PTPRB: variants seen among roughly 807,000 people sequenced by gnomAD.
PTPRB encodes the protein protein tyrosine phosphatase receptor type B, also known as receptor-type tyrosine-protein phosphatase beta.
PTPRB carries 97 observed loss-of-function variants against 238.1 expected under a neutral mutation model. That is an observed-to-expected ratio of 0.41 (90% CI 0.35 to 0.48). The LOEUF (loss-of-function observed/expected upper bound fraction) is 0.48. Among genes scored for constraint, PTPRB ranks in the 20% least tolerant of loss-of-function variants. The probability of loss-of-function intolerance (pLI) is 0.30; values close to 1 mark genes in which losing one functional copy is unlikely to be tolerated. For missense variants in PTPRB, 2,292 were observed against 2,681.9 expected, an observed-to-expected ratio of 0.85 and a Z score of 3.21; for synonymous variants, 970 against 995.4, an observed-to-expected ratio of 0.97 and a Z score of 0.48.
chr12:70,565,073 T>C (rs746705891), intron 15 of PTPRB, among the ~76,000 whole-genome samples: 12 of 152,230 alleles, frequency 7.9e-5, no homozygotes, highest in South Asian at 2.1e-4. Flanking sequence ...CACTTCTGTA[T>C]ATCCAGCAGT....
chr12:70,532,296 T>C, intron 31 of PTPRB, 126 bp from the exon 32 acceptor site: 1 of 1,234,870 alleles, frequency 8.1e-7, no homozygotes, highest in East Asian at 2.6e-5. Flanking sequence ...GAATATTTCT[T>C]TCTCTCAAAT....
Position 70,599,186 on chromosome 12 carries a change from C to A in PTPRB, c.980-2859G>T, listed in dbSNP as rs1384795562. ...ATTAGATACTTCTATCAGGGGTGCA[C>A]ATTTCATATAATATGACTGTGTGTG... On this transcript the variant is annotated intron_variant, in intron 4 of 33. Transcript: ENST00000334414. 2.0e-5 allele frequency among the ~76,000 whole-genome samples: 3 copies of A among 152,074 alleles called. No homozygotes were observed. In the South Asian group the frequency reaches 6.2e-4, roughly 32 times the overall value.
chr12:70,614,006 A>G (rs1189743277), intron 3 of PTPRB, among the ~76,000 whole-genome samples: 1 of 152,222 alleles, frequency 6.6e-6, no homozygotes, highest in Non-Finnish European at 1.5e-5. Context: ...AAGGTGGGAA[A>G]AGTGAAGAGA....
rs542806195 is a variant in PTPRB, at chr12:70,535,099, C to T, written c.6082-144G>A. 1.6e-4 allele frequency: 151 copies of T among 922,750 alleles called. 1 individual carries two copies. The African/African-American group carries it at 2.4e-3, about 15-fold the overall frequency. The allele number at this position is 922,750 out of a possible 1,614,324, so 57.2% of individuals were successfully genotyped here. The stretch of plus-strand genomic sequence containing the variant: ...ATTTGACCATCTACTTTATATTAAC[C>T]TTCTCATGGCCAGTGCTGAAGCTGA... On this transcript the variant is annotated intron_variant, in intron 29 of 33. Coordinates refer to ENST00000334414, the MANE Select transcript of PTPRB (RefSeq NM_001109754.4).
intron 10 of PTPRB, 22 bp from the exon 11 acceptor site, chr12:70,576,667 GGCGGGGGGGGGGGGGA>G: frequency 3.6e-6 from 1 of 281,204 alleles, no homozygotes; most frequent in Non-Finnish European, 6.5e-6. Flanking sequence ...AAAGGTGGGG[GGCGGGGGGGGGGGGGA>G]AGGGGGATTC....
At chr12:70,531,277 T>A (rs757626825) in intron 32 of PTPRB, among the ~76,000 whole-genome samples, 20 of 151,958 alleles carry the variant, frequency 1.3e-4, no homozygotes, top group African/African-American at 4.6e-4. Context: ...CACAGAAGCA[T>A]GTAGAACTTT....
chr12:70,604,458 T>C (rs1883778528), intron 4 of PTPRB, among the ~76,000 whole-genome samples: 1 of 152,180 alleles, frequency 6.6e-6, no homozygotes, highest in Non-Finnish European at 1.5e-5. Flanking sequence ...GATATTTGTT[T>C]AAAATGCAGA....
In PTPRB at chr12:70,612,504, G is replaced by A. The variant is rs539972714; in HGVS notation, c.709-3165C>T. 1.1e-4 allele frequency among the ~76,000 whole-genome samples: 16 copies of A among 152,136 alleles called. 2 individuals are homozygous for A. The South Asian group carries it at 3.1e-3, about 30-fold the overall frequency. On this transcript the variant is annotated intron_variant, in intron 3 of 33. Coordinates refer to ENST00000334414, the MANE Select transcript of PTPRB (RefSeq NM_001109754.4). ...CTTGAGCCTGCTTGTCCTACATAAGGACACTATTTGAATTAGAAGTTGCAT... is the reference window on the plus strand; with the variant it reads ...CTTGAGCCTGCTTGTCCTACATAAGAACACTATTTGAATTAGAAGTTGCAT...
rs1871653745 is a variant in PTPRB at position 70,521,526 on chromosome 12, A to G, written c.6626-15T>C. 2.0e-6 allele frequency: 3 copies of G among 1,536,546 alleles called. No homozygotes were observed. On this transcript the variant is annotated splice_polypyrimidine_tract_variant and intron_variant, in intron 33 of 33. Transcript: ENST00000334414. ...ATAGACTGGATCTGAAAGGAAGAAC[A>G]CTGTAATTAGAGACTGCCGCAGGGT...
Position 70,562,991 on chromosome 12 carries a change from C to G in PTPRB, c.4021G>C (p.Asp1341His), listed in dbSNP as rs1327501942. 6.2e-7 allele frequency: 1 copy of G among 1,614,028 alleles called. No individual in the cohort carries two copies. The highest frequency in any genetic ancestry group is 1.1e-5 in the South Asian group (1 of 91,086). The change falls in exon 16 of 34, where the codon GAT becomes CAT. Residue 1341 changes from aspartate (D) to histidine (H), a missense_variant. Asp to His is a moderately conservative substitution (Grantham distance 81). Around this residue, in one of 4 missense-constraint regions of PTPRB, gnomAD observed 683 missense variants for 862.0 expected, o/e 0.79. Coordinates refer to ENST00000334414, the MANE Select transcript of PTPRB (RefSeq NM_001109754.4). ...SWYNIFLYNPDGNLQERAQVD... is the reference protein window; with the variant it reads ...SWYNIFLYNPHGNLQERAQVD... ...TGAGCTCTCTCCTGGAGATTCCCATCTGGGTTGTACAAAAAGATGTTGTAC... is the reference window on the plus strand; with the variant it reads ...TGAGCTCTCTCCTGGAGATTCCCATGTGGGTTGTACAAAAAGATGTTGTAC...
At chr12:70,569,601 A>G in intron 14 of PTPRB, 74 bp downstream of exon 14, 1 of 1,553,484 alleles carries the variant, frequency 6.4e-7, no homozygotes, top group Non-Finnish European at 8.9e-7. Context: ...TGAATAGCTG[A>G]GCCCGTTCAC....
intron 32 of PTPRB, 126 bp downstream of exon 32, chr12:70,531,909 G>GTTCTT: frequency 9.1e-7 from 1 of 1,098,734 alleles, no homozygotes; most frequent in South Asian, 1.5e-5. Context: ...TCTACATGCA[G>GTTCTT]TTCTTTTTTT....
rs1027215766 is a variant in PTPRB, at chr12:70,637,326, G to T, written c.55+15C>A. On this transcript the variant is annotated intron_variant, in intron 1 of 33. Coordinates refer to ENST00000334414, the MANE Select transcript of PTPRB (RefSeq NM_001109754.4). ...TTGAAGAAATGCCTCAGGACACTGA[G>T]GCAGACCCACTCACCTGAGTTCCTG... The T allele has an allele frequency of 6.2e-7, 1 of 1,600,524 alleles. No homozygotes were observed. The highest frequency in any genetic ancestry group is 1.1e-5 in the South Asian group (1 of 88,288).
chr12:70,566,519 T>C lies in PTPRB; in HGVS notation c.3820A>G (p.Thr1274Ala). ...TGTATCTTGTATTTCTTGCCTGGTG[T>C]TAGATCTTCAAATTTGTGTTGCTTA... Reference protein sequence around the residue: ...TTKQHKFEDLTPGKKYKIQIL... With the variant: ...TTKQHKFEDLAPGKKYKIQIL... The change falls in exon 15 of 34, where the codon ACA becomes GCA. Residue 1274 changes from threonine (T) to alanine (A), a missense_variant. Transcript: ENST00000334414. 6.2e-7 allele frequency: 1 copy of C among 1,614,052 alleles called. No individual in the cohort carries two copies. Among genetic ancestry groups the C allele is most frequent in the Non-Finnish European group, 8.5e-7 (1 of 1,179,892 alleles).
chr12:70,532,816 A>G (rs892810259), intron 31 of PTPRB, among the ~76,000 whole-genome samples: 1 of 152,030 alleles, frequency 6.6e-6, no homozygotes, highest in Non-Finnish European at 1.5e-5. Context: ...TAATTAAAAA[A>G]AAAGACTTGT....
intron 15 of PTPRB, 95 bp from the exon 16 acceptor site, chr12:70,563,202 G>T: frequency 8.4e-7 from 1 of 1,194,170 alleles, no homozygotes; most frequent in Non-Finnish European, 1.2e-6. Flanking sequence ...GAAAGAGGAA[G>T]TTGGATTCAG....
At chr12:70,580,994 CAGATCTT>C in intron 10 of PTPRB, 35 bp downstream of exon 10, 1 of 1,588,954 alleles carries the variant, frequency 6.3e-7, no homozygotes, top group South Asian at 1.2e-5. Context: ...CTCATGTACT[CAGATCTT>C]AGTTAAGTCA....
intron 31 of PTPRB, among the ~76,000 whole-genome samples, chr12:70,532,446 T>C (rs902894197): frequency 2.6e-5 from 4 of 151,740 alleles, no homozygotes; most frequent in African/African-American, 7.3e-5. Context: ...ATGTTTTTAA[T>C]ACTTTTCCTA....
chr12:70,560,834 C>T lies in PTPRB; in HGVS notation c.4269G>A (p.Glu1423=). The T allele has an allele frequency of 6.2e-7, 1 of 1,613,986 alleles. No homozygotes were observed. The highest frequency in any genetic ancestry group is 8.5e-7 in the Non-Finnish European group (1 of 1,179,898). Residue 1423 remains glutamate, a synonymous_variant, in exon 17 of 34, where the codon GAG becomes GAA. Coordinates refer to ENST00000334414, the MANE Select transcript of PTPRB (RefSeq NM_001109754.4). This position sits in a 1 kb window ranked among gnomAD's most constrained non-coding sequence, Gnocchi z 4.2. The part of the protein sequence containing the change: ...SPASGDFDFY[E]LILYNPNGTK... ...TGCCATTGGGATTATAGAGAATCAG[C>T]TCATAAAAGTCAAAGTCCCCAGAGG...
Sources: gnomAD v4.1 joint callset for allele counts (sites outside exome capture counted in the v4.1 genomes callset) on GRCh38, gnomAD v4.1.1 for gene constraint, gnomAD v4.1.1 regional missense constraint, Gnocchi (gnomAD v3.1) non-coding constraint, MANE v1.5 for transcripts, NCBI Gene and HGNC (gene_info 2026-07-23, HGNC 2026-07-21) for gene names.